The following ZNF804B variants were observed in gnomAD, a reference collection of about 807,000 sequenced individuals.
ZNF804B encodes the protein zinc finger 804B.
ZNF804B carries 80 observed loss-of-function variants against 101.4 expected under a neutral mutation model. The observed-to-expected ratio is 0.79, with a 90% CI of 0.66 to 0.95. The LOEUF (loss-of-function observed/expected upper bound fraction) is 0.95, where lower values mean the gene tolerates loss of function less well. Among genes scored for constraint, ZNF804B ranks in the 40% least tolerant of loss-of-function variants. The probability of loss-of-function intolerance (pLI) is 0.00; values close to 1 mark genes in which losing one functional copy is unlikely to be tolerated. For synonymous variants in ZNF804B, 622 were observed against 558.8 expected, an observed-to-expected ratio of 1.11 and a Z score of -1.59; for missense variants, 1,673 against 1,561.9, an observed-to-expected ratio of 1.07 and a Z score of -1.20.
intron 1 of ZNF804B, among the ~76,000 whole-genome samples, chr7:88,952,454 T>C (rs1793238752): frequency 6.6e-6 from 1 of 151,496 alleles, no homozygotes; most frequent in African/African-American, 2.4e-5. Flanking sequence ...CAAAATCATT[T>C]TTATGTGCAA....
intron 1 of ZNF804B, among the ~76,000 whole-genome samples, chr7:89,103,654 G>A (rs1401610030): frequency 6.6e-6 from 1 of 151,688 alleles, no homozygotes; most frequent in African/African-American, 2.4e-5. Context: ...GGTTTTCTAG[G>A]TATATAATTA....
Position 89,333,774 on chromosome 7 carries a change from G to A in ZNF804B, c.792G>A (p.Lys264=), listed in dbSNP as rs774960884. Residue 264 remains lysine, a synonymous_variant, in exon 4 of 4, where the codon AAG becomes AAA. Transcript: ENST00000333190. ...CAAAACAAACTGCAGATAAGTGCAA[G>A]TGCTGCAGGTTTGCAAATAAAGATA... ...YKTKQTADKC[K]CCRFANKDTH... 1.2e-6 allele frequency: 2 copies of A among 1,613,258 alleles called. No homozygotes were observed. The highest frequency in any genetic ancestry group is 1.1e-5 in the South Asian group (1 of 90,848).
intron 1 of ZNF804B, among the ~76,000 whole-genome samples, chr7:88,785,699 T>C (rs1790291443): frequency 6.6e-6 from 1 of 152,156 alleles, no homozygotes; most frequent in South Asian, 2.1e-4. Flanking sequence ...AGAAATTCTT[T>C]CAGTTCTCCC....
chr7:89,022,055 CT>C (rs986921683), intron 1 of ZNF804B, among the ~76,000 whole-genome samples: 11 of 151,946 alleles, frequency 7.2e-5, no homozygotes, highest in Non-Finnish European at 1.3e-4. Context: ...TCTCCACTTA[CT>C]TTTTTTTCCA....
chr7:89,047,162 G>A (rs1159403116), intron 1 of ZNF804B, among the ~76,000 whole-genome samples: 1 of 152,052 alleles, frequency 6.6e-6, no homozygotes, highest in Admixed American at 6.6e-5. Flanking sequence ...ACATCTATGG[G>A]TGATTTTGTA....
At chr7:88,902,646 G>A (rs1205760193) in intron 1 of ZNF804B, among the ~76,000 whole-genome samples, 1 of 151,834 alleles carries the variant, frequency 6.6e-6, no homozygotes, top group Admixed American at 6.6e-5. Context: ...TAAAATATAT[G>A]TTTATAAGAG....
chr7:88,775,755 G>A (rs1181143572), intron 1 of ZNF804B, among the ~76,000 whole-genome samples: 1 of 152,164 alleles, frequency 6.6e-6, no homozygotes, highest in Non-Finnish European at 1.5e-5. Flanking sequence ...TTCCTGAAAA[G>A]CATGTATGAC....
At chr7:88,866,973 A>G (rs1791736293) in intron 1 of ZNF804B, among the ~76,000 whole-genome samples, 1 of 152,214 alleles carries the variant, frequency 6.6e-6, no homozygotes, top group Admixed American at 6.5e-5. Flanking sequence ...ACATTATAGA[A>G]TGCATTATAA....
At chr7:89,281,881 A>C (rs1481411428) in intron 2 of ZNF804B, among the ~76,000 whole-genome samples, 1 of 152,160 alleles carries the variant, frequency 6.6e-6, no homozygotes, top group Non-Finnish European at 1.5e-5. Flanking sequence ...CAGAGTCCAA[A>C]AGTCTCAGCT....
At chr7:89,176,591 C>CTTTCTTTTTTTTTTTTTTTT (rs780648541) in intron 1 of ZNF804B, among the ~76,000 whole-genome samples, 1 of 71,942 alleles carries the variant, frequency 1.4e-5, no homozygotes, top group Non-Finnish European at 2.7e-5. Context: ...TTCTTTCTTT[C>CTTTCTTTTTTTTTTTTTTTT]TTTTTTTTTT....
rs1449681231 is a variant in ZNF804B, at chr7:89,258,819, G to A, written c.249+40524G>A. ...AAAGAAAAAATATATTGACTATTAA[G>A]TCAAATTGGATCATTATAAAGGTTT... On this transcript the variant is annotated intron_variant, in intron 2 of 3. Coordinates refer to ENST00000333190, the MANE Select transcript of ZNF804B (RefSeq NM_181646.5). Among the ~76,000 whole-genome samples the A allele has an allele frequency of 5.3e-5, 8 of 151,980 alleles. No homozygotes were observed. In the South Asian group the frequency reaches 1.4e-3, roughly 28 times the overall value.
chr7:89,098,704 T>G (rs1790007009), intron 1 of ZNF804B, among the ~76,000 whole-genome samples: 1 of 152,198 alleles, frequency 6.6e-6, no homozygotes, highest in Admixed American at 6.5e-5. Flanking sequence ...CTTTAAACTC[T>G]GTGCTGCTCC....
chr7:88,930,683 G>T (rs1212418545), intron 1 of ZNF804B, among the ~76,000 whole-genome samples: 1 of 151,812 alleles, frequency 6.6e-6, no homozygotes, highest in African/African-American at 2.4e-5. Flanking sequence ...GAGAGTTAAT[G>T]GCCTAGAATG....
chr7:88,960,650 A>AT lies in ZNF804B; in HGVS notation c.108+200573dup, dbSNP rs1164436731. Among the ~76,000 whole-genome samples, 9 of 151,470 alleles carry AT rather than the reference A, an allele frequency of 5.9e-5. No individual in the cohort carries two copies. The South Asian group carries it at 1.5e-3, about 24-fold the overall frequency. On this transcript the variant is annotated intron_variant, in intron 1 of 3. Coordinates refer to ENST00000333190, the MANE Select transcript of ZNF804B (RefSeq NM_181646.5). Reference sequence around the variant, plus strand: ...ATTTATTTAACATATTATCTTTGTGATTTTTTTAAGTTAATAGTTTCTTCT... The same window carrying AT: ...ATTTATTTAACATATTATCTTTGTGATTTTTTTTAAGTTAATAGTTTCTTCT...
chr7:88,764,490 G>T (rs545204350), intron 1 of ZNF804B, among the ~76,000 whole-genome samples: 1 of 152,204 alleles, frequency 6.6e-6, no homozygotes, highest in African/African-American at 2.4e-5. Flanking sequence ...TTGGCTAATA[G>T]GAGGATGTGG....
intron 2 of ZNF804B, among the ~76,000 whole-genome samples, chr7:89,303,596 G>A (rs555421491): frequency 2.8e-4 from 42 of 152,038 alleles, no homozygotes; most frequent in Admixed American, 6.6e-4. Context: ...ACATCAGGAT[G>A]TAGATGCAAA....
chr7:89,027,217 C>G (rs2116225367), intron 1 of ZNF804B, among the ~76,000 whole-genome samples: 1 of 151,852 alleles, frequency 6.6e-6, no homozygotes, highest in South Asian at 2.1e-4. Flanking sequence ...TAAAGTTGAA[C>G]ATGTTTAAAT....
At chr7:88,812,818 G>A (rs1005364363) in intron 1 of ZNF804B, among the ~76,000 whole-genome samples, 3 of 151,964 alleles carry the variant, frequency 2.0e-5, no homozygotes, top group African/African-American at 7.3e-5. Context: ...ACCAAATACT[G>A]TTTGAGTCCA....
chr7:88,928,104 T>A lies in ZNF804B; in HGVS notation c.108+168020T>A, dbSNP rs575187437. On this transcript the variant is annotated intron_variant, in intron 1 of 3. Transcript: ENST00000333190. The stretch of plus-strand genomic sequence containing the variant: ...TGTTGACCAGTCTTCCAGAAGCTGG[T>A]CAAATCAACCTCTTCTTTCTTGTAG... Among the ~76,000 whole-genome samples, 54 of 152,270 alleles carry A rather than the reference T, an allele frequency of 3.5e-4. 5 individuals are homozygous for A. The South Asian group carries it at 0.011, about 31-fold the overall frequency.
Sources: allele counts gnomAD v4.1 joint callset (sites outside exome capture counted in the v4.1 genomes callset), GRCh38; gene constraint gnomAD v4.1.1; transcripts MANE v1.5; gene names NCBI Gene and HGNC (gene_info 2026-07-23, HGNC 2026-07-21).